Variants in TMCC2 observed in about 807,000 individuals in gnomAD.
TMCC2 encodes the protein transmembrane and coiled-coil domain family 2.
A neutral mutation model predicts 49.4 loss-of-function variants in TMCC2; 16 were observed. That is an observed-to-expected ratio of 0.32 (90% CI 0.22 to 0.49). TMCC2 has a LOEUF of 0.49. Among genes scored for constraint, TMCC2 ranks in the 20% least tolerant of loss-of-function variants. TMCC2 has a pLI of 0.99. For synonymous variants in TMCC2, 397 were observed against 434.1 expected, an observed-to-expected ratio of 0.91 and a Z score of 1.06; for missense variants, 762 against 989.8, an observed-to-expected ratio of 0.77 and a Z score of 3.09.
intron 1 of TMCC2, among the ~76,000 whole-genome samples, chr1:205,233,554 C>T (rs551498641): frequency 1.3e-5 from 2 of 152,236 alleles, no homozygotes; most frequent in Admixed American, 6.5e-5. Flanking sequence ...CTGTGAGTGG[C>T]GTGTGTTCCT....
In TMCC2 at chr1:205,237,817, G is replaced by GTGCCACCC. The variant is rs1574833175; in HGVS notation, c.208-3688_208-3687insTGCCACCC. On this transcript the variant is annotated intron_variant, in intron 1 of 4. Transcript: ENST00000358024. ...CTGAAAGGACAGTGCCACCCAAGGA[G>GTGCCACCC]ATGGGGCTCTTCCTGCCCTTTCAGA... 3.3e-5 allele frequency among the ~76,000 whole-genome samples: 5 copies of GTGCCACCC among 152,330 alleles called. No individual in the cohort carries two copies. The East Asian group carries it at 9.7e-4, about 29-fold the overall frequency.
chr1:205,251,645 T>G (rs1660673873), intron 2 of TMCC2, among the ~76,000 whole-genome samples: 1 of 152,356 alleles, frequency 6.6e-6, no homozygotes, highest in Admixed American at 6.5e-5. Flanking sequence ...ATAAGGTTTC[T>G]TCATTGCCTG....
chr1:205,236,392 A>G (rs1305935928), intron 1 of TMCC2: 2 of 152,244 alleles, frequency 1.3e-5, no homozygotes, highest in African/African-American at 4.8e-5. Context: ...TCTTTGTGAA[A>G]GGTTATGTCT....
rs181265392 is a variant in TMCC2 at position 205,251,889 on chromosome 1, A to C, written c.747+9845A>C. On this transcript the variant is annotated intron_variant, in intron 2 of 4. Transcript: ENST00000358024. ...GTATGCTCTGAGCCCTTGAGTCAGC[A>C]GGAGCACACCAGAATTCGGTGTTTC... Among the ~76,000 whole-genome samples the C allele has an allele frequency of 1.1e-4, 17 of 152,376 alleles. No individual in the cohort carries two copies. In the East Asian group the frequency reaches 3.3e-3, roughly 29 times the overall value.
chr1:205,249,331 C>A (rs1660576164), intron 2 of TMCC2, among the ~76,000 whole-genome samples: 1 of 152,232 alleles, frequency 6.6e-6, no homozygotes, highest in South Asian at 2.1e-4. Flanking sequence ...TAAATAAGCA[C>A]CCCTGTTTAC....
intron 4 of TMCC2, 67 bp from the exon 5 acceptor site, chr1:205,271,746 G>T (rs1343052707): frequency 3.9e-6 from 6 of 1,553,448 alleles, no homozygotes; most frequent in Non-Finnish European, 8.7e-7. Flanking sequence ...AGTGGGGTAG[G>T]TAGGTTTTCA....
Position 205,228,731 on chromosome 1 carries a change from C to T in TMCC2, c.167C>T (p.Ala56Val), listed in dbSNP as rs1325610007. Residue 56 changes from alanine (A) to valine (V), a missense_variant, in exon 1 of 5, where the codon GCG becomes GTG. Around this residue, in one of 2 missense-constraint regions of TMCC2, gnomAD observed 322 missense variants for 353.1 expected, o/e 0.91. Transcript: ENST00000358024. ...GPTSDAGAAAAPNPGPRSKPP... is the reference protein window; with the variant it reads ...GPTSDAGAAAVPNPGPRSKPP... ...ACTTCAGACGCCGGCGCTGCCGCGG[C>T]GCCCAACCCAGGTCCCCGAAGCAAG... 6.2e-7 allele frequency: 1 copy of T among 1,610,224 alleles called. No homozygotes were observed. Among genetic ancestry groups the T allele is most frequent in the Admixed American group, 1.7e-5 (1 of 59,630 alleles).
At chr1:205,229,576 G>T (rs1198752306) in intron 1 of TMCC2, 4 of 935,560 alleles carry the variant, frequency 4.3e-6, no homozygotes, top group Non-Finnish European at 5.1e-6. Flanking sequence ...GGGGGCGGGG[G>T]GGGAAGGTGG....
intron 2 of TMCC2, among the ~76,000 whole-genome samples, chr1:205,242,568 GGA>G (rs1262395686): frequency 2.0e-5 from 3 of 152,214 alleles, no homozygotes; most frequent in African/African-American, 7.2e-5. Flanking sequence ...GATTTGGGAA[GGA>G]GAAAAGCTAG....
chr1:205,259,664 G>C (rs577734422), intron 2 of TMCC2, among the ~76,000 whole-genome samples: 1 of 152,238 alleles, frequency 6.6e-6, no homozygotes, highest in South Asian at 2.1e-4. Context: ...CCAGGGCCGG[G>C]TTGACACGAG....
chr1:205,245,816 T>C (rs1455644938), intron 2 of TMCC2, among the ~76,000 whole-genome samples: 1 of 151,158 alleles, frequency 6.6e-6, no homozygotes, highest in Non-Finnish European at 1.5e-5. Flanking sequence ...TTTTTTTTTT[T>C]GAGAGAGTCT....
At chr1:205,248,025 T>G (rs1432386775) in intron 2 of TMCC2, among the ~76,000 whole-genome samples, 1 of 152,222 alleles carries the variant, frequency 6.6e-6, no homozygotes, top group African/African-American at 2.4e-5. Flanking sequence ...GATGGTAATT[T>G]GGCTGTTGGT....
intron 2 of TMCC2, among the ~76,000 whole-genome samples, chr1:205,247,857 C>T (rs948403775): frequency 3.4e-5 from 5 of 146,138 alleles, no homozygotes; most frequent in African/African-American, 1.0e-4. Context: ...GTTGAGTTAC[C>T]GAAACACCCT....
rs1558645267 is a variant in TMCC2, at chr1:205,241,621, T to TCAG, written c.334_336dup (p.Gln112dup). 1 of 1,613,862 alleles carries TCAG rather than the reference T, an allele frequency of 6.2e-7. No individual in the cohort carries two copies. Among genetic ancestry groups the TCAG allele is most frequent in the Admixed American group, 1.7e-5 (1 of 60,008 alleles). Reference sequence around the variant, plus strand: ...AGACGTCTCAGGATTCCCAGCAGCATCAGCAGCAGCAGGGTATGTCCGACC... The same window carrying TCAG: ...AGACGTCTCAGGATTCCCAGCAGCATCAGCAGCAGCAGCAGGGTATGTCCGACC... On this transcript the variant is annotated inframe_insertion, in exon 2 of 5. Transcript: ENST00000358024. This position sits in a 1 kb window ranked among gnomAD's most constrained non-coding sequence, Gnocchi z 7.3.
intron 2 of TMCC2, among the ~76,000 whole-genome samples, chr1:205,267,545 A>G (rs1048801588): frequency 6.6e-6 from 1 of 152,040 alleles, no homozygotes; most frequent in Admixed American, 6.6e-5. Flanking sequence ...CCGTTGTTGT[A>G]TGGCGATAAG....
chr1:205,231,330 T>C (rs1659790329), intron 1 of TMCC2, among the ~76,000 whole-genome samples: 2 of 152,102 alleles, frequency 1.3e-5, no homozygotes, highest in African/African-American at 4.8e-5. Context: ...AGAGTCTTGC[T>C]CTGTCACTCA....
In TMCC2 at chr1:205,237,819, T is replaced by A. The variant is rs1574833181; in HGVS notation, c.208-3686T>A. 3.3e-5 allele frequency among the ~76,000 whole-genome samples: 5 copies of A among 152,284 alleles called. No individual in the cohort carries two copies. In the East Asian group the frequency reaches 9.7e-4, roughly 30 times the overall value. On this transcript the variant is annotated intron_variant, in intron 1 of 4. Coordinates refer to ENST00000358024, the MANE Select transcript of TMCC2 (RefSeq NM_014858.4). ...GAAAGGACAGTGCCACCCAAGGAGA[T>A]GGGGCTCTTCCTGCCCTTTCAGATA...
At chr1:205,265,705 C>T (rs552549943) in intron 2 of TMCC2, among the ~76,000 whole-genome samples, 1 of 151,750 alleles carries the variant, frequency 6.6e-6, no homozygotes, top group East Asian at 2.0e-4. Flanking sequence ...GGATTACAGG[C>T]GTCCGCCACC....
At chr1:205,243,371 G>A (rs1660343308) in intron 2 of TMCC2, among the ~76,000 whole-genome samples, 2 of 151,834 alleles carry the variant, frequency 1.3e-5, no homozygotes, top group South Asian at 2.1e-4. Context: ...GAGACAGAGC[G>A]AGACTTCGTC....
Sources: allele counts gnomAD v4.1 joint callset (sites outside exome capture counted in the v4.1 genomes callset), GRCh38; gene constraint gnomAD v4.1.1; regional missense constraint gnomAD v4.1.1; non-coding constraint Gnocchi (gnomAD v3.1); transcripts MANE v1.5; gene names NCBI Gene and HGNC (gene_info 2026-07-23, HGNC 2026-07-21).